Variants in TRIO observed in about 807,000 individuals in gnomAD.
The protein encoded by TRIO is triple functional domain protein.
A neutral mutation model predicts 351.9 loss-of-function variants in TRIO; 58 were observed. That is an observed-to-expected ratio of 0.16 (90% CI 0.13 to 0.21). The LOEUF (loss-of-function observed/expected upper bound fraction) is 0.21. Ranked by LOEUF, TRIO falls within the 10% of genes least tolerant of loss-of-function variation. TRIO has a pLI of 1.00. For missense variants in TRIO, 3,201 were observed against 4,027.8 expected (o/e 0.79, Z 5.56); for synonymous variants, 1,758 against 1,595.7 (o/e 1.10, Z -2.42).
intron 8 of TRIO, among the ~76,000 whole-genome samples, chr5:14,307,357 T>C (rs1738467838): frequency 6.6e-6 from 1 of 152,238 alleles, no homozygotes; most frequent in Non-Finnish European, 1.5e-5. Flanking sequence ...GTGCGCTACA[T>C]TTAATTGCCA....
intron 25 of TRIO, 65 bp from the exon 26 acceptor site, chr5:14,390,166 C>T (rs895009615): frequency 4.8e-6 from 7 of 1,449,870 alleles, no homozygotes; most frequent in Non-Finnish European, 6.7e-6. Flanking sequence ...CAGTTTCTGG[C>T]ATATCTCACT....
rs56791314 is a variant in TRIO, at chr5:14,370,123, C to CTTT, written c.3216+611_3216+613dup. On this transcript the variant is annotated intron_variant, in intron 18 of 56. Transcript: ENST00000344204. ...TTTTCTTTTCTTTCTTTCTTTCTTT[C>CTTT]TTTTTTTTTTTTTAATTCAGCGAAG... 9.8e-4 allele frequency among the ~76,000 whole-genome samples: 141 copies of CTTT among 144,488 alleles called. 1 individual carries two copies. The highest frequency in any genetic ancestry group is 3.1e-3 in the South Asian group (14 of 4,528). The allele number at this position is 144,488 out of a possible 152,430, so 94.8% of individuals were successfully genotyped here.
chr5:14,465,541 G>A lies in TRIO; in HGVS notation c.5668-4G>A. 1 of 1,613,050 alleles carries A rather than the reference G, an allele frequency of 6.2e-7. No individual in the cohort carries two copies. The highest frequency in any genetic ancestry group is 1.1e-5 in the South Asian group (1 of 91,004). On this transcript the variant is annotated splice_region_variant and splice_polypyrimidine_tract_variant and intron_variant, in intron 36 of 56. Transcript: ENST00000344204. The stretch of plus-strand genomic sequence containing the variant: ...CCCCCTCCTTTTCTTAATTTCTTCT[G>A]TAGGCCTCTTCTCGGTTATTAGTCC...
intron 1 of TRIO, among the ~76,000 whole-genome samples, chr5:14,246,844 C>T (rs1045826216): frequency 6.6e-6 from 1 of 152,244 alleles, no homozygotes; most frequent in East Asian, 1.9e-4. Context: ...CCCCACACCA[C>T]CTCCTGGAAT....
chr5:14,254,700 T>C (rs1286249320), intron 1 of TRIO, among the ~76,000 whole-genome samples: 5 of 152,220 alleles, frequency 3.3e-5, no homozygotes, highest in Admixed American at 6.5e-5. Flanking sequence ...GGTTATTGTA[T>C]ATGAAATAGG....
chr5:14,263,385 A>G (rs1372201469), intron 1 of TRIO, among the ~76,000 whole-genome samples: 2 of 151,822 alleles, frequency 1.3e-5, no homozygotes, highest in East Asian at 3.8e-4. Flanking sequence ...CAAAAAGACA[A>G]TAGAGGAAAA....
At chr5:14,151,141 A>G (rs1225656288) in intron 1 of TRIO, among the ~76,000 whole-genome samples, 2 of 152,202 alleles carry the variant, frequency 1.3e-5, no homozygotes, top group Admixed American at 1.3e-4. Context: ...ATGAGTAACT[A>G]TAGGAGGTCA....
chr5:14,265,604 C>T (rs1795626951), intron 1 of TRIO, among the ~76,000 whole-genome samples: 1 of 152,044 alleles, frequency 6.6e-6, no homozygotes, highest in South Asian at 2.1e-4. Flanking sequence ...TGTTCCTGGA[C>T]TATTTGTTAT....
At chr5:14,175,922 C>T (rs1789378627) in intron 1 of TRIO, among the ~76,000 whole-genome samples, 1 of 152,186 alleles carries the variant, frequency 6.6e-6, no homozygotes. Flanking sequence ...TGCATCAATA[C>T]TGATTTGTGA....
intron 1 of TRIO, among the ~76,000 whole-genome samples, chr5:14,205,577 A>G (rs1276364743): frequency 1.3e-5 from 2 of 152,240 alleles, no homozygotes; most frequent in African/African-American, 2.4e-5. Flanking sequence ...CATGAAAACT[A>G]CATATCATAC....
chr5:14,290,654 C>A, intron 4 of TRIO, 62 bp from the exon 5 acceptor site: 2 of 1,487,416 alleles, frequency 1.3e-6, no homozygotes, highest in South Asian at 1.4e-5. Context: ...TTGCAAATTG[C>A]ATTATGTTAA....
At chr5:14,336,498 A>C (rs1290964702) in intron 10 of TRIO, 38 bp from the exon 11 acceptor site, 5 of 1,604,528 alleles carry the variant, frequency 3.1e-6, no homozygotes, top group Non-Finnish European at 4.3e-6. Flanking sequence ...TCTGCTTTTC[A>C]CTTACCTTCT....
intron 9 of TRIO, among the ~76,000 whole-genome samples, chr5:14,326,423 G>A (rs919508882): frequency 2.0e-5 from 3 of 152,172 alleles, no homozygotes; most frequent in Admixed American, 6.5e-5. Context: ...AAGTGTGCAC[G>A]GTCCACTTTG....
At chr5:14,492,527 TC>T (rs1756563620) in intron 48 of TRIO, 39 bp from the exon 49 acceptor site, 1 of 1,603,884 alleles carries the variant, frequency 6.2e-7, no homozygotes, top group East Asian at 2.2e-5. Context: ...TCGTTTCAGT[TC>T]CTCCCTGCCT....
intron 1 of TRIO, among the ~76,000 whole-genome samples, chr5:14,184,233 A>ACAG (rs1003893887): frequency 2.0e-4 from 30 of 152,366 alleles, no homozygotes; most frequent in African/African-American, 6.3e-4. Flanking sequence ...CAGCTTAGCA[A>ACAG]CAGCAGTTCT....
chr5:14,266,932 G>C (rs1348958552), intron 1 of TRIO, among the ~76,000 whole-genome samples: 1 of 152,092 alleles, frequency 6.6e-6, no homozygotes, highest in Non-Finnish European at 1.5e-5. Context: ...GATAAGCCTC[G>C]ACTGACTCCA....
At chr5:14,421,519 G>A (rs1185910765) in intron 34 of TRIO, among the ~76,000 whole-genome samples, 1 of 150,170 alleles carries the variant, frequency 6.7e-6, no homozygotes, top group Non-Finnish European at 1.5e-5. Context: ...CAGGAAAATC[G>A]CTTGGACCCA....
intron 33 of TRIO, 115 bp from the exon 34 acceptor site, chr5:14,419,663 T>C: frequency 7.0e-7 from 1 of 1,433,494 alleles, no homozygotes. Context: ...CTCGGAGCAC[T>C]CAGCTCACTC....
intron 8 of TRIO, 22 bp downstream of exon 8, chr5:14,304,614 C>A (rs202241476): frequency 6.3e-7 from 1 of 1,597,924 alleles, no homozygotes; most frequent in South Asian, 1.1e-5. Flanking sequence ...GTTTTACTTA[C>A]ATTGCAAAGC....
Sources: allele counts gnomAD v4.1 joint callset (sites outside exome capture counted in the v4.1 genomes callset), GRCh38; gene constraint gnomAD v4.1.1; transcripts MANE v1.5; gene names NCBI Gene and HGNC (gene_info 2026-07-23, HGNC 2026-07-21).